Variants in ITPR1 observed in about 807,000 individuals in gnomAD.
ITPR1 encodes inositol 1,4,5-trisphosphate-gated calcium channel ITPR1.
In ITPR1, 96 loss-of-function variants were observed where a neutral mutation model predicts 318.4. The ratio of observed to expected loss-of-function variants is 0.30; its 90% confidence interval spans 0.26 to 0.36. ITPR1 has a LOEUF of 0.36. Ranked by LOEUF, ITPR1 falls within the 10% of genes least tolerant of loss-of-function variation. ITPR1 has a pLI of 1.00. For synonymous variants in ITPR1, 1,312 were observed against 1,289.9 expected (o/e 1.02, Z -0.37); for missense variants, 2,440 against 3,460.2 (o/e 0.71, Z 7.40).
chr3:4,582,118 C>T (rs1185141813), intron 4 of ITPR1, among the ~76,000 whole-genome samples: 1 of 152,122 alleles, frequency 6.6e-6, no homozygotes, highest in Admixed American at 6.5e-5. Context: ...GTACTGGCCT[C>T]AGTGTTGTTA....
At position 4,662,435 on chromosome 3, in the gene ITPR1, T is replaced by C. The variant is rs80012961; in HGVS notation, c.1412+193T>C. 0.015 allele frequency among the ~76,000 whole-genome samples: 2,278 copies of C among 152,230 alleles called. 20 individuals carry two copies. The highest frequency in any genetic ancestry group is 0.023 in the Non-Finnish European group (1,536 of 67,998). On this transcript the variant is annotated intron_variant, in intron 15 of 61. Transcript: ENST00000649015. ...CATTCATTTTTTGAGTCTCTAAAAT[T>C]ATGAAGATCAGGTGTAGTGGCTCAC...
chr3:4,847,153 AACATGCT>A lies in ITPR1; in HGVS notation c.*932_*938del, dbSNP rs1197067464. 1 of 152,664 alleles carries A rather than the reference AACATGCT, an allele frequency of 6.6e-6. No homozygotes were observed. The highest frequency in any genetic ancestry group is 1.5e-5 in the Non-Finnish European group (1 of 68,036). 9.5% of individuals were successfully genotyped at this position (152,664 alleles called of 1,614,324 possible). ...AGTTTATTTTTTCTTCATCTGAACC[AACATGCT>A]ACAGTAGCTAAGAAGTATTAAAACT... On this transcript the variant is annotated 3_prime_UTR_variant, in exon 62 of 62. Coordinates refer to ENST00000649015, the MANE Select transcript of ITPR1 (RefSeq NM_001378452.1).
intron 4 of ITPR1, among the ~76,000 whole-genome samples, chr3:4,609,049 G>A (rs1416750519): frequency 1.1e-3 from 15 of 14,214 alleles, no homozygotes; most frequent in East Asian, 3.4e-3. Context: ...CAACAACAAC[G>A]AAATATATAT....
intron 1 of ITPR1, among the ~76,000 whole-genome samples, chr3:4,493,833 G>A (rs1352954909): frequency 1.3e-5 from 2 of 151,604 alleles, no homozygotes; most frequent in East Asian, 3.9e-4. Context: ...ATTCTGGTCT[G>A]ATGTGGCATT....
chr3:4,736,488 G>A (rs555694358), intron 44 of ITPR1, among the ~76,000 whole-genome samples: 40 of 152,320 alleles, frequency 2.6e-4, no homozygotes, highest in Admixed American at 3.3e-4. Context: ...AGCCAACTGC[G>A]GTGGCCCTTT....
intron 5 of ITPR1, among the ~76,000 whole-genome samples, chr3:4,635,465 C>T (rs1259701313): frequency 2.6e-5 from 4 of 152,076 alleles, no homozygotes; most frequent in Admixed American, 1.3e-4. Context: ...CTCAGCCTCC[C>T]GAGTAGCTGG....
At chr3:4,520,931 C>A in intron 3 of ITPR1, 93 bp from the exon 4 acceptor site, 1 of 900,840 alleles carries the variant, frequency 1.1e-6, no homozygotes, top group East Asian at 2.5e-5. Flanking sequence ...CTAAATGTTG[C>A]GCAGGAAAAG....
chr3:4,516,716 A>G, intron 3 of ITPR1, 133 bp downstream of exon 3: 2 of 672,780 alleles, frequency 3.0e-6, no homozygotes, highest in Non-Finnish European at 5.3e-6. Context: ...AATCACAAAC[A>G]CCAAATCTCA....
intron 4 of ITPR1, among the ~76,000 whole-genome samples, chr3:4,547,662 A>G (rs1428017287): frequency 6.6e-6 from 1 of 152,220 alleles, no homozygotes; most frequent in Admixed American, 6.5e-5. Flanking sequence ...ACATCAAGAA[A>G]GGTGATCTGT....
rs2051843626 is a variant in ITPR1 at position 4,847,152 on chromosome 3, CA to C, written c.*929del. 1 of 152,426 alleles carries C rather than the reference CA, an allele frequency of 6.6e-6. No homozygotes were observed. The highest frequency in any genetic ancestry group is 6.6e-5 in the Admixed American group (1 of 15,248). 9.4% of individuals were successfully genotyped at this position (152,426 alleles called of 1,614,324 possible). ...GAGTTTATTTTTTCTTCATCTGAAC[CA>C]ACATGCTACAGTAGCTAAGAAGTAT... On this transcript the variant is annotated 3_prime_UTR_variant, in exon 62 of 62. Transcript: ENST00000649015.
At chr3:4,829,642 C>T (rs981628512) in intron 60 of ITPR1, among the ~76,000 whole-genome samples, 7 of 152,062 alleles carry the variant, frequency 4.6e-5, no homozygotes, top group Admixed American at 2.6e-4. Flanking sequence ...CTGTTAGTAA[C>T]GTTTTGTATT....
chr3:4,685,660 T>C (rs2094380753), intron 30 of ITPR1, among the ~76,000 whole-genome samples: 2 of 152,372 alleles, frequency 1.3e-5, no homozygotes, highest in African/African-American at 4.8e-5. Context: ...TATTTGGATT[T>C]ATCAGGTGAT....
intron 5 of ITPR1, among the ~76,000 whole-genome samples, chr3:4,634,261 T>C (rs1429119153): frequency 6.6e-6 from 1 of 152,110 alleles, no homozygotes; most frequent in Non-Finnish European, 1.5e-5. Context: ...TCACCCACGC[T>C]GGTGTGCAGT....
In ITPR1 at chr3:4,710,496, G is replaced by T. The variant is rs373933380; in HGVS notation, c.4991+23G>T. The T allele has an allele frequency of 3.3e-4, 511 of 1,548,822 alleles. 1 individual carries two copies. The African/African-American group carries it at 6.5e-3, about 20-fold the overall frequency. On this transcript the variant is annotated intron_variant, in intron 38 of 61. Transcript: ENST00000649015. The surrounding 1 kb of genome is among the most constrained non-coding windows in gnomAD (Gnocchi z 4.2). Reference sequence around the variant, plus strand: ...CAAGTAAGCGGCCTCTCTCTCTGGGGTGTTCATTTGCCAGAACCTTGATGA... The same window carrying T: ...CAAGTAAGCGGCCTCTCTCTCTGGGTTGTTCATTTGCCAGAACCTTGATGA...
intron 30 of ITPR1, among the ~76,000 whole-genome samples, chr3:4,685,456 C>A (rs2094376784): frequency 6.6e-6 from 1 of 152,210 alleles, no homozygotes; most frequent in African/African-American, 2.4e-5. Flanking sequence ...CTCCATACTC[C>A]CAAGACATAT....
At chr3:4,830,857 C>G (rs1383982679) in intron 60 of ITPR1, 2 of 450,594 alleles carry the variant, frequency 4.4e-6, no homozygotes, top group Non-Finnish European at 4.5e-6. Context: ...CCTCAAGCCC[C>G]CCTCACCCTC....
Position 4,644,192 on chromosome 3 carries a change from T to C in ITPR1, c.582T>C (p.His194=). The C allele has an allele frequency of 1.2e-6, 2 of 1,611,426 alleles. No individual in the cohort carries two copies. Among genetic ancestry groups the C allele is most frequent in the Middle Eastern group, 1.6e-4 (1 of 6,062 alleles). ...CCGTCAATGCTGGTCAGCCCCTACA[T>C]GCTAGCAGCCATCAACTGGTAGATA... ...LNPVNAGQPL[H]ASSHQLVDNP... is the part of the protein sequence containing the mutation. The change falls in exon 8 of 62, where the codon CAT becomes CAC. Residue 194 remains histidine, a synonymous_variant. Coordinates refer to ENST00000649015, the MANE Select transcript of ITPR1 (RefSeq NM_001378452.1).
At chr3:4,798,179 G>T (rs2048011025) in intron 53 of ITPR1, among the ~76,000 whole-genome samples, 1 of 152,154 alleles carries the variant, frequency 6.6e-6, no homozygotes, top group South Asian at 2.1e-4. Context: ...GCCACAGACT[G>T]GGAGAAAATA....
At chr3:4,745,038 TTA>T (rs919810767) in intron 44 of ITPR1, among the ~76,000 whole-genome samples, 2 of 88,936 alleles carry the variant, frequency 2.2e-5, no homozygotes, top group African/African-American at 4.6e-5. Flanking sequence ...CTTTTCTTCT[TTA>T]TCTCTTTCTT....
Sources: allele counts gnomAD v4.1 joint callset (sites outside exome capture counted in the v4.1 genomes callset), GRCh38; gene constraint gnomAD v4.1.1; non-coding constraint Gnocchi (gnomAD v3.1); transcripts MANE v1.5; gene names NCBI Gene and HGNC (gene_info 2026-07-23, HGNC 2026-07-21).